STON1: variants seen among roughly 807,000 people sequenced by gnomAD.
STON1 encodes the protein stonin-1.
In STON1, 79 loss-of-function variants were observed where a neutral mutation model predicts 60.9. The ratio of observed to expected loss-of-function variants is 1.30; its 90% CI spans 1.08 to 1.56. The LOEUF (loss-of-function observed/expected upper bound fraction) is 1.56. Among genes scored for constraint, STON1 ranks in the 40% most tolerant of loss-of-function variants. The probability of loss-of-function intolerance (pLI) is 0.00; values close to 1 mark genes in which losing one functional copy is unlikely to be tolerated. For missense variants in STON1, 1,166 were observed against 858.9 expected (o/e 1.36, Z -4.47); for synonymous variants, 363 against 306.9 (o/e 1.18, Z -1.91).
chr2:48,591,794 G>A lies in STON1; in HGVS notation c.2072G>A (p.Gly691Glu), dbSNP rs758514131. ...CASRTEVRSL[G>E]VESDVQPQKH... ...TCAAGGACAGAGGTCAGGTCTCTGGGAGTGGAGAGTGATGTCCAGCCACAG... is the reference window on the plus strand; with the variant it reads ...TCAAGGACAGAGGTCAGGTCTCTGGAAGTGGAGAGTGATGTCCAGCCACAG... Residue 691 changes from glycine to glutamate, a missense_variant, in exon 3 of 4, where the codon GGA (glycine) becomes GAA (glutamate). By Grantham distance (98) the Gly-to-Glu change is moderately conservative. Coordinates refer to ENST00000404752, the MANE Select transcript of STON1 (RefSeq NM_006873.4). 6.2e-7 allele frequency: 1 copy of A among 1,614,194 alleles called. No individual in the cohort carries two copies. Among genetic ancestry groups the A allele is most frequent in the Non-Finnish European group, 8.5e-7 (1 of 1,180,028 alleles).
intron 1 of STON1, among the ~76,000 whole-genome samples, chr2:48,580,323 A>C (rs1673801089): frequency 6.6e-6 from 1 of 152,202 alleles, no homozygotes; most frequent in Admixed American, 6.5e-5. Flanking sequence ...TATTTTGCTT[A>C]AGCATGGCTA....
intron 1 of STON1, among the ~76,000 whole-genome samples, chr2:48,533,849 A>C (rs868624496): frequency 1.3e-5 from 2 of 148,928 alleles, no homozygotes; most frequent in Non-Finnish European, 3.0e-5. Context: ...AGCTTATCGC[A>C]ACCTCCACCT....
At chr2:48,543,211 G>C (rs1264445807) in intron 1 of STON1, among the ~76,000 whole-genome samples, 2 of 152,116 alleles carry the variant, frequency 1.3e-5, no homozygotes, top group Non-Finnish European at 2.9e-5. Context: ...CTGACGTCAG[G>C]TGATCCGCCT....
At chr2:48,588,201 C>G (rs1042639236) in intron 2 of STON1, among the ~76,000 whole-genome samples, 1 of 152,130 alleles carries the variant, frequency 6.6e-6, no homozygotes, top group Non-Finnish European at 1.5e-5. Flanking sequence ...ATGCATCTGG[C>G]CCAAGGAATA....
Position 48,582,300 on chromosome 2 carries a change from C to T in STON1, c.1667C>T (p.Ser556Leu), listed in dbSNP as rs867655140. The T allele has an allele frequency of 6.8e-6, 11 of 1,614,076 alleles. No homozygotes were observed. The highest frequency in any genetic ancestry group is 9.3e-6 in the Non-Finnish European group (11 of 1,180,044). The change falls in exon 2 of 4, where the codon TCA becomes TTA. Residue 556 changes from serine (S) to leucine (L), a missense_variant. By Grantham distance (145) the Ser-to-Leu change is moderately radical. Transcript: ENST00000404752. ...AACATGGCCTCATTGGCGCAGAGGT[C>T]ATCCTATGCTGGTTCCTTAAGGTCC... ...FVNMASLAQR[S>L]SYAGSLRSCD... is the part of the protein sequence containing the mutation.
intron 1 of STON1, chr2:48,531,210 T>G (rs1197568384): frequency 6.6e-6 from 1 of 152,210 alleles, no homozygotes; most frequent in East Asian, 1.9e-4. Flanking sequence ...TTAATTTGCC[T>G]GACATGCAGC....
intron 1 of STON1, among the ~76,000 whole-genome samples, chr2:48,561,197 A>T (rs577066479): frequency 1.4e-3 from 216 of 152,190 alleles, no homozygotes; most frequent in African/African-American, 5.0e-3. Flanking sequence ...ATGTGGACAT[A>T]CCTCAGACCT....
chr2:48,535,339 G>A (rs1671381116), intron 1 of STON1, among the ~76,000 whole-genome samples: 1 of 152,178 alleles, frequency 6.6e-6, no homozygotes, highest in Non-Finnish European at 1.5e-5. Flanking sequence ...TGGTGAGTTT[G>A]ACTGATTGGG....
At chr2:48,563,618 T>C (rs1295526626) in intron 1 of STON1, among the ~76,000 whole-genome samples, 3 of 152,198 alleles carry the variant, frequency 2.0e-5, no homozygotes, top group Non-Finnish European at 4.4e-5. Flanking sequence ...AGTCTCAGAC[T>C]CTTGTGTCTT....
At chr2:48,563,039 C>G (rs1188076754) in intron 1 of STON1, among the ~76,000 whole-genome samples, 1 of 152,204 alleles carries the variant, frequency 6.6e-6, no homozygotes, top group Admixed American at 6.5e-5. Flanking sequence ...GGAGGGTTCC[C>G]AGAGGCCTGT....
At position 48,582,336 on chromosome 2, in the gene STON1, T is replaced by C. The variant is rs1250814334; in HGVS notation, c.1703T>C (p.Ile568Thr). The C allele has an allele frequency of 6.2e-7, 1 of 1,614,224 alleles. No homozygotes were observed. The highest frequency in any genetic ancestry group is 1.3e-5 in the African/African-American group (1 of 75,042). ...GGTTCCTTAAGGTCCTGTGACAATA[T>C]AAGGATACACTTTCCTGTCCCATCG... Reference protein sequence around the residue: ...YAGSLRSCDNIRIHFPVPSQW... With the variant: ...YAGSLRSCDNTRIHFPVPSQW... Residue 568 changes from isoleucine (I) to threonine (T), a missense_variant, in exon 2 of 4, where the codon ATA (isoleucine) becomes ACA (threonine). Transcript: ENST00000404752.
At position 48,577,875 on chromosome 2, in the gene STON1, C is replaced by G. The variant is rs576183410; in HGVS notation, c.-47-2712C>G. On this transcript the variant is annotated intron_variant, in intron 1 of 3. Transcript: ENST00000404752. ...AGGTGATCCGTCCACCTCGGCCTCC[C>G]AAAGTGCTGGGATTACAGGCATGAG... 2.2e-4 allele frequency among the ~76,000 whole-genome samples: 33 copies of G among 151,788 alleles called. No individual in the cohort carries two copies. The South Asian group carries it at 6.7e-3, about 31-fold the overall frequency.
chr2:48,584,834 A>G (rs973160877), intron 2 of STON1, among the ~76,000 whole-genome samples: 12 of 152,154 alleles, frequency 7.9e-5, no homozygotes, highest in Non-Finnish European at 1.5e-4. Context: ...CCTGGAGGCC[A>G]TGGGACCACC....
intron 1 of STON1, among the ~76,000 whole-genome samples, chr2:48,555,390 G>C (rs1427538168): frequency 3.5e-5 from 2 of 57,470 alleles, no homozygotes; most frequent in Admixed American, 1.6e-4. Flanking sequence ...TTCCCAGTAG[G>C]GGCGGCCGGG....
rs1475449731 is a variant in STON1 at position 48,581,764 on chromosome 2, G to C, written c.1131G>C (p.Lys377Asn). 7 of 1,613,678 alleles carry C rather than the reference G, an allele frequency of 4.3e-6. No homozygotes were observed. The South Asian group carries it at 5.5e-5, about 13-fold the overall frequency. Residue 377 changes from lysine to asparagine, a missense_variant, in exon 2 of 4, where the codon AAG becomes AAC. Coordinates refer to ENST00000404752, the MANE Select transcript of STON1 (RefSeq NM_006873.4). ...VHEPDIEQML[K>N]LGSTSYHDFL... ...AACCTGACATAGAGCAGATGCTGAA[G>C]TTGGGGTCCACATCGTACCATGACT... is the stretch of plus-strand genomic sequence containing the variant.
At position 48,591,665 on chromosome 2, in the gene STON1, C is replaced by G. The variant is rs761179375; in HGVS notation, c.1943C>G (p.Pro648Arg). ...LPDKNSSLDH[P>R]HCLSYKLELG... ...TTTTTCCCTCGAGGTCTAGATCATCCCCATTGTCTGTCATACAAATTAGAG... is the reference window on the plus strand; with the variant it reads ...TTTTTCCCTCGAGGTCTAGATCATCGCCATTGTCTGTCATACAAATTAGAG... The change falls in exon 3 of 4, where the codon CCC (proline) becomes CGC (arginine). Residue 648 changes from proline to arginine, a missense_variant. Pro to Arg is a moderately radical substitution (Grantham distance 103). Coordinates refer to ENST00000404752, the MANE Select transcript of STON1 (RefSeq NM_006873.4). 2 of 1,613,818 alleles carry G rather than the reference C, an allele frequency of 1.2e-6. No homozygotes were observed. The highest frequency in any genetic ancestry group is 1.7e-6 in the Non-Finnish European group (2 of 1,180,002).
At chr2:48,566,888 G>A (rs547190840) in intron 1 of STON1, among the ~76,000 whole-genome samples, 4 of 152,288 alleles carry the variant, frequency 2.6e-5, no homozygotes, top group South Asian at 4.1e-4. Flanking sequence ...TGTTCAAGTC[G>A]TTACAGGCTG....
Position 48,580,596 on chromosome 2 carries a change from A to C in STON1, c.-38A>C. On this transcript the variant is annotated 5_prime_UTR_variant, in exon 2 of 4. Coordinates refer to ENST00000404752, the MANE Select transcript of STON1 (RefSeq NM_006873.4). ...TTTATTTTTTTAACAGAGTCAACCT[A>C]TTTGATTTCTTGACAAGACCACAAT... The C allele has an allele frequency of 7.6e-7, 1 of 1,322,448 alleles. No individual in the cohort carries two copies. Among genetic ancestry groups the C allele is most frequent in the Non-Finnish European group, 9.7e-7 (1 of 1,027,640 alleles). 81.9% of individuals were successfully genotyped at this position (1,322,448 alleles called of 1,614,324 possible).
chr2:48,545,337 G>A (rs151295249), intron 1 of STON1, among the ~76,000 whole-genome samples: 14 of 152,250 alleles, frequency 9.2e-5, no homozygotes, highest in East Asian at 7.7e-4. Context: ...CTGCTTGTCG[G>A]TATTGGCCTC....
Sources: allele counts gnomAD v4.1 joint callset (sites outside exome capture counted in the v4.1 genomes callset), GRCh38; gene constraint gnomAD v4.1.1; transcripts MANE v1.5; gene names NCBI Gene and HGNC (gene_info 2026-07-23, HGNC 2026-07-21).